PKD1L3: variants seen among roughly 807,000 people sequenced by gnomAD.
The protein encoded by PKD1L3 is polycystin 1 like 3, transient receptor potential channel interacting.
Under a neutral mutation model 184.1 loss-of-function variants are expected in PKD1L3, and 239 were observed. That is an observed-to-expected ratio of 1.30 (90% CI 1.17 to 1.45). PKD1L3 has a LOEUF of 1.45. Among genes scored for constraint, PKD1L3 ranks in the 40% most tolerant of loss-of-function variants. The probability of loss-of-function intolerance (pLI) is 0.00; values close to 1 mark genes in which losing one functional copy is unlikely to be tolerated. For synonymous variants in PKD1L3, 996 were observed against 778.8 expected (o/e 1.28, Z -4.64); for missense variants, 2,660 against 2,067.2 (o/e 1.29, Z -5.56).
intron 12 of PKD1L3, among the ~76,000 whole-genome samples, chr16:71,972,471 C>T (rs9922596): frequency 0.23 from 34,210 of 151,886 alleles, 4,128 homozygotes; most frequent in East Asian, 0.41. Flanking sequence ...ATTGCTTGAG[C>T]TCAGAAGTTC....
At position 71,990,349 on chromosome 16, in the gene PKD1L3, G is replaced by T; in HGVS notation, c.536-20C>A. On this transcript the variant is annotated intron_variant, in intron 3 of 29. Coordinates refer to ENST00000620267, the MANE Select transcript of PKD1L3 (RefSeq NM_181536.2). ...CAGGTCCTATAGAAAAAAGAAAGCA[G>T]ACTAAGTTCAAGTAAAAGCCTAAGA... 6.5e-7 allele frequency: 1 copy of T among 1,534,674 alleles called. No individual in the cohort carries two copies. Among genetic ancestry groups the T allele is most frequent in the South Asian group, 1.2e-5 (1 of 83,374 alleles).
chr16:71,965,212 A>C (rs571510610), intron 15 of PKD1L3, among the ~76,000 whole-genome samples: 21 of 152,290 alleles, frequency 1.4e-4, no homozygotes, highest in Admixed American at 3.3e-4. Flanking sequence ...CCACGTAGTC[A>C]TATGTAACAA....
Position 71,963,208 on chromosome 16 carries a change from A to T in PKD1L3, c.2609T>A (p.Phe870Tyr). ...AATAGTAATTTTCCAACAGTACCTA[A>T]AGGAAAAGAGCTCTCTCTTTGAAAC... is the stretch of plus-strand genomic sequence containing the variant. ...IPVSKRELFS[F>Y]RHLFSSMIVE... is the part of the protein sequence containing the mutation. Residue 870 changes from phenylalanine to tyrosine, a missense_variant, in exon 16 of 30, where the codon TTT (phenylalanine) becomes TAT (tyrosine). Phe to Tyr is a conservative substitution (Grantham distance 22). Transcript: ENST00000620267. 6.5e-7 allele frequency: 1 copy of T among 1,548,716 alleles called. No individual in the cohort carries two copies. Among genetic ancestry groups the T allele is most frequent in the Non-Finnish European group, 8.7e-7 (1 of 1,145,626 alleles).
chr16:71,996,086 G>C (rs1329032828), intron 2 of PKD1L3, among the ~76,000 whole-genome samples: 1 of 151,748 alleles, frequency 6.6e-6, no homozygotes, highest in Non-Finnish European at 1.5e-5. Context: ...TGAGATAATT[G>C]TATATTCACA....
At chr16:71,986,792 T>G (rs1333039098) in intron 4 of PKD1L3, among the ~76,000 whole-genome samples, 1 of 152,098 alleles carries the variant, frequency 6.6e-6, no homozygotes, top group Non-Finnish European at 1.5e-5. Context: ...CGAGCCCCTG[T>G]GTTAGTGGTA....
intron 28 of PKD1L3, among the ~76,000 whole-genome samples, chr16:71,932,780 CTT>C (rs71153681): frequency 0.16 from 15,020 of 96,712 alleles, 1,020 homozygotes; most frequent in Non-Finnish European, 0.19. Flanking sequence ...CGCACCTGGC[CTT>C]TTTTTTTTTT....
At chr16:71,960,378 T>C (rs1032592664) in intron 16 of PKD1L3, among the ~76,000 whole-genome samples, 1 of 152,152 alleles carries the variant, frequency 6.6e-6, no homozygotes, top group Non-Finnish European at 1.5e-5. Context: ...CAGTTATATG[T>C]TGCTTGCAAG....
chr16:71,929,761 T>TA (rs1274236125), intron 29 of PKD1L3, 83 bp from the exon 30 acceptor site: 1 of 1,289,182 alleles, frequency 7.8e-7, no homozygotes, highest in Non-Finnish European at 1.1e-6. Flanking sequence ...CAAAGATTTT[T>TA]AAAAAATTAG....
rs368038269 is a variant in PKD1L3, at chr16:71,949,505, C to T, written c.3618+278G>A. Among the ~76,000 whole-genome samples the T allele has an allele frequency of 1.2e-3, 188 of 152,140 alleles. 1 individual carries two copies. Among genetic ancestry groups the T allele is most frequent in the African/African-American group, 4.4e-3 (181 of 41,488 alleles). On this transcript the variant is annotated intron_variant, in intron 21 of 29. Coordinates refer to ENST00000620267, the MANE Select transcript of PKD1L3 (RefSeq NM_181536.2). Reference sequence around the variant, plus strand: ...TAGCTGGAACTATAGGAGCACACCACCATGCCTGGCTAATTTTTTCTAATT... The same window carrying T: ...TAGCTGGAACTATAGGAGCACACCATCATGCCTGGCTAATTTTTTCTAATT...
chr16:71,978,605 C>A (rs959749150), intron 9 of PKD1L3, among the ~76,000 whole-genome samples: 11 of 148,216 alleles, frequency 7.4e-5, no homozygotes, highest in African/African-American at 2.8e-4. Context: ...AGTGGCACAA[C>A]CTCAGCTCAC....
chr16:71,952,799 C>A (rs1221535064), intron 18 of PKD1L3, 95 bp downstream of exon 18: 9 of 1,323,684 alleles, frequency 6.8e-6, no homozygotes, highest in Middle Eastern at 2.6e-4. Context: ...GGTTGCACCA[C>A]TACACTCCAG....
intron 21 of PKD1L3, among the ~76,000 whole-genome samples, chr16:71,947,948 G>A (rs1008789839): frequency 2.7e-5 from 4 of 146,126 alleles, no homozygotes; most frequent in African/African-American, 7.6e-5. Flanking sequence ...ACGGAGTCTC[G>A]CTCTGTCACC....
intron 24 of PKD1L3, among the ~76,000 whole-genome samples, chr16:71,939,101 A>G (rs767995124): frequency 3.9e-5 from 6 of 152,218 alleles, no homozygotes; most frequent in Non-Finnish European, 7.3e-5. Flanking sequence ...GCACCATGGC[A>G]TTCCTCAGAT....
Position 71,967,921 on chromosome 16 carries a change from A to G in PKD1L3, c.2271T>C (p.Ala757=). ...IQVYTGYRRS[A]ATTAKVVITL... is the part of the protein sequence containing the mutation. ...TTTCATTAACCTTAGCTGTTGTAGC[A>G]GCGCTTCTTCGATATCCGGTGTAGA... The change falls in exon 14 of 30, where the codon GCT becomes GCC. Residue 757 remains alanine, a synonymous_variant. Transcript: ENST00000620267. The G allele has an allele frequency of 6.4e-7, 1 of 1,550,818 alleles. No individual in the cohort carries two copies. The highest frequency in any genetic ancestry group is 8.7e-7 in the Non-Finnish European group (1 of 1,146,162).
Position 71,977,388 on chromosome 16 carries a change from A to G in PKD1L3, c.1607T>C (p.Val536Ala). 6.4e-7 allele frequency: 1 copy of G among 1,551,486 alleles called. No homozygotes were observed. Among genetic ancestry groups the G allele is most frequent in the Non-Finnish European group, 8.7e-7 (1 of 1,146,806 alleles). Reference sequence around the variant, plus strand: ...GGATTTCTCCAAGGAAGTGACGTTCACTGTGATTGTAAGCTGATGTGTGCT... The same window carrying G: ...GGATTTCTCCAAGGAAGTGACGTTCGCTGTGATTGTAAGCTGATGTGTGCT... ...NMSTHQLTITVNVTSLEKSLI... is the reference protein window; with the variant it reads ...NMSTHQLTITANVTSLEKSLI... The change falls in exon 11 of 30, where the codon GTG (valine) becomes GCG (alanine). Residue 536 changes from valine to alanine, a missense_variant. By Grantham distance (64) the Val-to-Ala change is moderately conservative. Coordinates refer to ENST00000620267, the MANE Select transcript of PKD1L3 (RefSeq NM_181536.2).
chr16:71,929,804 G>T, intron 29 of PKD1L3, 126 bp from the exon 30 acceptor site: 1 of 1,080,238 alleles, frequency 9.3e-7, no homozygotes, highest in Non-Finnish European at 1.3e-6. Context: ...TTAATAATTT[G>T]CAGTCAGGCA....
intron 4 of PKD1L3, among the ~76,000 whole-genome samples, chr16:71,988,097 CTG>C (rs1278201427): frequency 6.6e-6 from 1 of 151,942 alleles, no homozygotes; most frequent in Non-Finnish European, 1.5e-5. Context: ...ACGGATCCTT[CTG>C]TGTTTTAAAT....
chr16:71,933,905 G>T lies in PKD1L3; in HGVS notation c.4824+10C>A. The T allele has an allele frequency of 6.5e-7, 1 of 1,549,528 alleles. No individual in the cohort carries two copies. The highest frequency in any genetic ancestry group is 8.7e-7 in the Non-Finnish European group (1 of 1,145,460). On this transcript the variant is annotated intron_variant, in intron 27 of 29. Transcript: ENST00000620267. ...CACGGAGAAGGAGAGACAGCAACGT[G>T]GGGGCTTACGGCAATGGCATAGCCT... is the stretch of plus-strand genomic sequence containing the variant.
chr16:71,930,746 T>TA (rs2037922970), intron 28 of PKD1L3: 1 of 152,226 alleles, frequency 6.6e-6, no homozygotes, highest in Admixed American at 6.5e-5. Context: ...GTTCTGGGCT[T>TA]ATTGGAATGG....
Sources: gnomAD v4.1 joint callset for allele counts (sites outside exome capture counted in the v4.1 genomes callset) on GRCh38, gnomAD v4.1.1 for gene constraint, MANE v1.5 for transcripts, NCBI Gene and HGNC (gene_info 2026-07-23, HGNC 2026-07-21) for gene names.